The following ZNF782 variants were observed in gnomAD, a reference collection of about 807,000 sequenced individuals.
The protein encoded by ZNF782 is zinc finger protein 782.
ZNF782 carries 12 observed loss-of-function variants against 13.0 expected under a neutral mutation model. That is an observed-to-expected ratio of 0.92 (90% confidence interval 0.59 to 1.50). ZNF782 has a LOEUF of 1.50. ZNF782 is among the 40% of genes most tolerant of loss of function. The pLI, the probability that ZNF782 is intolerant of heterozygous loss-of-function variation, is 0.00. For synonymous variants in ZNF782, 284 were observed against 283.0 expected, an observed-to-expected ratio of 1.00 and a Z score of -0.04; for missense variants, 770 against 822.9, an observed-to-expected ratio of 0.94 and a Z score of 0.79.
At chr9:96,900,544 A>G in the ZNF782 span, among the ~76,000 whole-genome samples, 1 of 152,038 alleles carries the variant, frequency 6.6e-6, no homozygotes, top group African/African-American at 2.4e-5. Flanking sequence ...GTTCGAGACC[A>G]GCCTGATCAA....
chr9:96,883,886 G>T, the ZNF782 span, among the ~76,000 whole-genome samples: 2 of 152,112 alleles, frequency 1.3e-5, no homozygotes, highest in Non-Finnish European at 2.9e-5. Flanking sequence ...CATGGACAGG[G>T]CACTACAGAA....
chr9:96,918,304 G>T, the ZNF782 span, among the ~76,000 whole-genome samples: 7,232 of 147,242 alleles, frequency 0.049, 406 homozygotes, highest in African/African-American at 0.16. Flanking sequence ...GGGAAGCTTG[G>T]GAAGCTGAGG....
At chr9:96,877,437 G>C (rs377190777), upstream of ZNF782, among the ~76,000 whole-genome samples, 2 of 152,242 alleles carry the variant, frequency 1.3e-5, no homozygotes, top group African/African-American at 4.8e-5. Flanking sequence ...GCGGGGCGAA[G>C]CCGCCCCCGG....
the ZNF782 span, among the ~76,000 whole-genome samples, chr9:96,902,410 A>C: frequency 2.7e-5 from 3 of 113,030 alleles, no homozygotes; most frequent in Non-Finnish European, 4.9e-5. Flanking sequence ...GGCAAGAGTG[A>C]ATCTCCATCT....
the ZNF782 span, among the ~76,000 whole-genome samples, chr9:96,919,802 C>T: frequency 1.0e-4 from 15 of 150,426 alleles, 2 homozygotes; most frequent in East Asian, 4.5e-4. Flanking sequence ...TCAAGTGATC[C>T]GCCTGCCTTG....
rs2118222844 is a variant in ZNF782, at chr9:96,817,685, T to C, written c.*238A>G. On this transcript the variant is annotated 3_prime_UTR_variant, in exon 6 of 6. Coordinates refer to ENST00000481138, the MANE Select transcript of ZNF782 (RefSeq NM_001001662.3). The stretch of plus-strand genomic sequence containing the variant: ...TTCCATATTCATTATGTTTATAGGG[T>C]TTCTTTGCTGTGTGAGTTCTGTATA... The C allele has an allele frequency of 2.5e-6, 1 of 399,484 alleles. No homozygotes were observed. Among genetic ancestry groups the C allele is most frequent in the Non-Finnish European group, 4.4e-6 (1 of 226,390 alleles). 24.7% of individuals were successfully genotyped at this position (399,484 alleles called of 1,614,324 possible). A position where few individuals can be genotyped will look rare whatever the true frequency, so the allele number is the denominator to read the frequency against.
the ZNF782 span, among the ~76,000 whole-genome samples, chr9:96,923,310 A>G: frequency 6.6e-6 from 1 of 150,388 alleles, no homozygotes; most frequent in Non-Finnish European, 1.5e-5. Flanking sequence ...ATACCTGCAC[A>G]TATGTAATCA....
intron 4 of ZNF782, 130 bp from the exon 5 acceptor site, chr9:96,827,311 A>C: frequency 1.9e-6 from 1 of 529,278 alleles, no homozygotes; most frequent in Non-Finnish European, 3.2e-6. Flanking sequence ...GGAAGTAACC[A>C]CAAAAAACAT....
chr9:96,921,841 C>T, the ZNF782 span, among the ~76,000 whole-genome samples: 1,385 of 151,110 alleles, frequency 9.2e-3, 53 homozygotes, highest in East Asian at 0.1. Context: ...TCACAGGCGC[C>T]CACAACCACG....
chr9:96,879,457 C>G (rs907744258), upstream of ZNF782, among the ~76,000 whole-genome samples: 1 of 152,140 alleles, frequency 6.6e-6, no homozygotes, highest in Admixed American at 6.5e-5. Flanking sequence ...GAGCCCAGAT[C>G]GCGCCACTGC....
intron 3 of ZNF782, among the ~76,000 whole-genome samples, chr9:96,848,088 G>A (rs1851388062): frequency 6.6e-6 from 1 of 152,150 alleles, no homozygotes; most frequent in Non-Finnish European, 1.5e-5. Flanking sequence ...CTCAGTAGAT[G>A]CAGAAAAAAC....
the ZNF782 span, among the ~76,000 whole-genome samples, chr9:96,922,730 C>G: frequency 1.3e-4 from 20 of 151,434 alleles, no homozygotes; most frequent in Non-Finnish European, 2.8e-4. Flanking sequence ...GCCGAGATCA[C>G]GCCACTGCAC....
the ZNF782 span, among the ~76,000 whole-genome samples, chr9:96,921,658 T>C: frequency 1.3e-3 from 185 of 147,254 alleles, no homozygotes; most frequent in East Asian, 2.3e-3. Flanking sequence ...GTCAGGAGTT[T>C]GAGACCAGCC....
chr9:96,856,013 CAT>C (rs1851637340), upstream of ZNF782, among the ~76,000 whole-genome samples: 1 of 152,086 alleles, frequency 6.6e-6, no homozygotes, highest in African/African-American at 2.4e-5. Flanking sequence ...AGCATTTTTT[CAT>C]ATGTTTGTTG....
the ZNF782 span, among the ~76,000 whole-genome samples, chr9:96,901,136 G>T: frequency 6.7e-6 from 1 of 150,352 alleles, no homozygotes; most frequent in African/African-American, 2.5e-5. Context: ...CTCCAGCCTG[G>T]GCAACAGAGC....
chr9:96,930,309 G>C, the ZNF782 span, among the ~76,000 whole-genome samples: 1 of 152,180 alleles, frequency 6.6e-6, no homozygotes, highest in African/African-American at 2.4e-5. Flanking sequence ...TGGATCACGA[G>C]GTCAAGGAGT....
Position 96,851,954 on chromosome 9 carries a change from G to A in ZNF782, c.8C>T (p.Thr3Ile). MN[T>I]FQASVSFQDV... Reference sequence around the variant, plus strand: ...AATGAATAAAAAGCTTACCTGAAATGTGTTCATTTTCTGTGGCTCTTGGGA... The same window carrying A: ...AATGAATAAAAAGCTTACCTGAAATATGTTCATTTTCTGTGGCTCTTGGGA... The change falls in exon 3 of 6, where the codon ACA becomes ATA. Residue 3 changes from threonine (T) to isoleucine (I), a missense_variant. Coordinates refer to ENST00000481138, the MANE Select transcript of ZNF782 (RefSeq NM_001001662.3). 2 of 1,614,012 alleles carry A rather than the reference G, an allele frequency of 1.2e-6. No homozygotes were observed. Among genetic ancestry groups the A allele is most frequent in the Non-Finnish European group, 1.7e-6 (2 of 1,179,878 alleles).
Position 96,816,817 on chromosome 9 carries a change from T to A in ZNF782, c.*1106A>T, listed in dbSNP as rs550185411. 1.3e-5 allele frequency: 2 copies of A among 152,332 alleles called. No individual in the cohort carries two copies. Among genetic ancestry groups the A allele is most frequent in the African/African-American group, 4.8e-5 (2 of 41,574 alleles). The allele number at this position is 152,332 out of a possible 1,614,324, so 9.4% of individuals were successfully genotyped here. A position where few individuals can be genotyped will look rare whatever the true frequency, so the allele number is the denominator to read the frequency against. On this transcript the variant is annotated 3_prime_UTR_variant, in exon 6 of 6. Transcript: ENST00000481138. Reference sequence around the variant, plus strand: ...ATTTCTTATGATATTACCTGTCTGATGAGGAAGACTTTGGGGATAAAAGCC... The same window carrying A: ...ATTTCTTATGATATTACCTGTCTGAAGAGGAAGACTTTGGGGATAAAAGCC...
the ZNF782 span, among the ~76,000 whole-genome samples, chr9:96,884,667 A>G: frequency 0.093 from 14,204 of 152,230 alleles, 879 homozygotes; most frequent in East Asian, 0.24. Flanking sequence ...CAGGAAGATG[A>G]CTGTGGGATG....
Sources: allele counts gnomAD v4.1 joint callset (sites outside exome capture counted in the v4.1 genomes callset), GRCh38; gene constraint gnomAD v4.1.1; transcripts MANE v1.5; gene names NCBI Gene and HGNC (gene_info 2026-07-23, HGNC 2026-07-21).